Variants in MYO16 observed in about 807,000 individuals in gnomAD.
The protein encoded by MYO16 is myosin XVI.
MYO16 carries 94 observed loss-of-function variants against 205.3 expected under a neutral mutation model. The ratio of observed to expected loss-of-function variants is 0.46; its 90% CI spans 0.39 to 0.54. MYO16 has a LOEUF of 0.54. MYO16 is among the 20% of genes least tolerant of loss of function. The pLI is 0.00. For synonymous variants in MYO16, 988 were observed against 954.0 expected (o/e 1.04, Z -0.66); for missense variants, 2,315 against 2,387.5 (o/e 0.97, Z 0.63).
chr13:108,968,898 G>A (rs1263841370), intron 20 of MYO16, among the ~76,000 whole-genome samples: 1 of 152,198 alleles, frequency 6.6e-6, no homozygotes, highest in Non-Finnish European at 1.5e-5. Flanking sequence ...CTTCCTCCTA[G>A]ACTCTGAGGG....
intron 12 of MYO16, among the ~76,000 whole-genome samples, chr13:108,878,495 A>G (rs568517884): frequency 1.8e-4 from 27 of 152,278 alleles, no homozygotes; most frequent in African/African-American, 6.5e-4. Context: ...ACCACTCAAT[A>G]AAACCCCTGC....
intron 31 of MYO16, among the ~76,000 whole-genome samples, chr13:109,130,788 C>T (rs1876496225): frequency 6.6e-6 from 1 of 152,206 alleles, no homozygotes; most frequent in East Asian, 1.9e-4. Context: ...CAGTCCAACA[C>T]AATCCGAGTA....
intron 10 of MYO16, among the ~76,000 whole-genome samples, chr13:108,851,732 C>T (rs534412880): frequency 6.6e-6 from 1 of 152,210 alleles, no homozygotes; most frequent in South Asian, 2.1e-4. Flanking sequence ...CTTGGGCCAC[C>T]TTTTTCTAGA....
At chr13:109,084,179 T>C (rs1033493390) in intron 27 of MYO16, among the ~76,000 whole-genome samples, 6 of 152,210 alleles carry the variant, frequency 3.9e-5, no homozygotes, top group African/African-American at 1.4e-4. Context: ...ATTTTTAAAA[T>C]AATCCAGATG....
the MYO16 span, among the ~76,000 whole-genome samples, chr13:108,589,021 G>A: frequency 1.2e-3 from 176 of 152,258 alleles, 3 homozygotes; most frequent in South Asian, 0.024. Context: ...CTATGTGATC[G>A]TGGAATAGAC....
At chr13:109,054,127 G>T (rs1173570470) in intron 25 of MYO16, among the ~76,000 whole-genome samples, 1 of 151,954 alleles carries the variant, frequency 6.6e-6, no homozygotes, top group Non-Finnish European at 1.5e-5. Flanking sequence ...ACCCTGGGTG[G>T]AATTTAATTA....
intron 3 of MYO16, among the ~76,000 whole-genome samples, chr13:108,715,771 G>T (rs1883919771): frequency 6.6e-6 from 1 of 152,144 alleles, no homozygotes; most frequent in African/African-American, 2.4e-5. Context: ...TTTTGTTGTG[G>T]CTGCTTCTGG....
intron 2 of MYO16, among the ~76,000 whole-genome samples, chr13:108,666,407 T>A (rs556604359): frequency 9.9e-5 from 15 of 152,224 alleles, no homozygotes; most frequent in African/African-American, 3.4e-4. Flanking sequence ...AAGAATTAGC[T>A]ATCAGTAAAG....
chr13:108,636,358 TTTTTTTTTTTTTGTGTGTGTGTGTGTG>T lies in MYO16; in HGVS notation c.28+6488_28+6514del, dbSNP rs1880235552. Among the ~76,000 whole-genome samples, 3 of 72,178 alleles carry T rather than the reference TTTTTTTTTTTTTGTGTGTGTGTGTGTG, an allele frequency of 4.2e-5. No individual in the cohort carries two copies. In the South Asian group the frequency reaches 1.8e-3, roughly 44 times the overall value. The allele number at this position is 72,178 out of a possible 152,430, so 47.4% of individuals were successfully genotyped here. On this transcript the variant is annotated intron_variant, in intron 1 of 34. Coordinates refer to ENST00000457511, the MANE Select transcript of MYO16 (RefSeq NM_001198950.3). ...AAAAAATATTTCCCTTTTTTTTTTT[TTTTTTTTTTTTTGTGTGTGTGTGTGTG>T]TGTGTGTGTGTGTGTGTGTGTGTCT... is the stretch of plus-strand genomic sequence containing the variant.
the MYO16 span, among the ~76,000 whole-genome samples, chr13:108,584,526 T>C: frequency 6.6e-6 from 1 of 152,166 alleles, no homozygotes; most frequent in Non-Finnish European, 1.5e-5. Context: ...ATTTTTTTAT[T>C]AATTATAGTT....
intron 32 of MYO16, among the ~76,000 whole-genome samples, 176 bp from the exon 33 acceptor site, chr13:109,164,722 CATT>C (rs1878558327): frequency 6.6e-6 from 1 of 152,140 alleles, no homozygotes; most frequent in East Asian, 1.9e-4. Context: ...TTTTGTTTGA[CATT>C]GTTGTGGCAA....
At chr13:108,631,780 A>C (rs1444605394) in intron 1 of MYO16, among the ~76,000 whole-genome samples, 1 of 152,194 alleles carries the variant, frequency 6.6e-6, no homozygotes, top group Admixed American at 6.5e-5. Context: ...GGAAGGATGA[A>C]CAAAATATAG....
intron 32 of MYO16, among the ~76,000 whole-genome samples, chr13:109,154,939 C>CAAAAAAAA: frequency 8.7e-5 from 6 of 69,084 alleles, no homozygotes; most frequent in Admixed American, 1.5e-4. Context: ...AAAAAAAAAG[C>CAAAAAAAA]TACCCAAGTA....
intron 23 of MYO16, among the ~76,000 whole-genome samples, chr13:109,022,951 AT>A (rs200682252): frequency 0.017 from 2,269 of 135,526 alleles, 68 homozygotes; most frequent in African/African-American, 0.058. Context: ...ATATGTATAC[AT>A]TTATATATTA....
intron 1 of MYO16, among the ~76,000 whole-genome samples, chr13:108,605,366 G>T (rs1878914364): frequency 6.6e-6 from 1 of 152,026 alleles, no homozygotes; most frequent in African/African-American, 2.4e-5. Context: ...CAAGTATCCT[G>T]CAATGTTGCA....
At chr13:108,597,707 G>A (rs989476057) in intron 1 of MYO16, among the ~76,000 whole-genome samples, 1 of 152,060 alleles carries the variant, frequency 6.6e-6, no homozygotes, top group Non-Finnish European at 1.5e-5. Context: ...GTCAGCCATG[G>A]TTTGCTTTTG....
rs568102733 is a variant in MYO16, at chr13:108,605,750, A to G, written c.-39+9511A>G. 2.0e-5 allele frequency among the ~76,000 whole-genome samples: 3 copies of G among 152,288 alleles called. No individual in the cohort carries two copies. In the South Asian group the frequency reaches 6.2e-4, roughly 32 times the overall value. On this transcript the variant is annotated intron_variant, in intron 1 of 24. Transcript: ENST00000251041. ...ATTTCTTCATTGTATCATGAAAATG[A>G]ACTAATACAGTAAATTGGTACCAGG...
chr13:108,957,095 A>G (rs9583313), intron 16 of MYO16, among the ~76,000 whole-genome samples: 21,751 of 152,200 alleles, frequency 0.14, 1,667 homozygotes, highest in African/African-American at 0.17. Context: ...TATGAAATTC[A>G]TGAGTCACGG....
At chr13:108,574,799 C>T in the MYO16 span, among the ~76,000 whole-genome samples, 1 of 151,920 alleles carries the variant, frequency 6.6e-6, no homozygotes, top group Non-Finnish European at 1.5e-5. Flanking sequence ...GTTTGTTAAA[C>T]ACAGTTGTTA....
Sources: allele counts gnomAD v4.1 joint callset (sites outside exome capture counted in the v4.1 genomes callset), GRCh38; gene constraint gnomAD v4.1.1; transcripts MANE v1.5; gene names NCBI Gene and HGNC (gene_info 2026-07-23, HGNC 2026-07-21).